The following GPHN variants were observed in gnomAD, a reference collection of about 807,000 sequenced individuals.
GPHN encodes the protein gephyrin.
A neutral mutation model predicts 95.5 loss-of-function variants in GPHN; 17 were observed. The ratio of observed to expected loss-of-function variants is 0.18; its 90% CI spans 0.12 to 0.27. GPHN has a LOEUF of 0.27. Among genes scored for constraint, GPHN ranks in the 10% least tolerant of loss-of-function variants. GPHN has a pLI of 1.00. For missense variants in GPHN, 660 were observed against 978.1 expected, an observed-to-expected ratio of 0.67 and a Z score of 4.34; for synonymous variants, 320 against 322.5, an observed-to-expected ratio of 0.99 and a Z score of 0.08.
chr14:66,570,052 G>A (rs1170116774), intron 1 of GPHN, among the ~76,000 whole-genome samples: 3 of 150,806 alleles, frequency 2.0e-5, no homozygotes, highest in African/African-American at 7.4e-5. Flanking sequence ...TTGTTTTTTT[G>A]TGCTTGTTTT....
At chr14:66,687,295 T>A (rs2067438285) in intron 2 of GPHN, among the ~76,000 whole-genome samples, 1 of 151,996 alleles carries the variant, frequency 6.6e-6, no homozygotes, top group East Asian at 1.9e-4. Context: ...CACCCCAGCT[T>A]TGTTCTTTTT....
chr14:67,241,537 A>G, the GPHN span: 1 of 152,480 alleles, frequency 6.6e-6, no homozygotes, highest in Admixed American at 6.6e-5. Context: ...CGTGGAGGTA[A>G]GAGGCGGATC....
intron 4 of GPHN, among the ~76,000 whole-genome samples, chr14:66,864,942 G>T (rs572307912): frequency 6.0e-4 from 91 of 152,262 alleles, no homozygotes; most frequent in African/African-American, 2.1e-3. Context: ...GCCATATAAA[G>T]AATAAGAACC....
the GPHN span, among the ~76,000 whole-genome samples, chr14:67,462,460 C>A: frequency 6.6e-6 from 1 of 152,216 alleles, no homozygotes; most frequent in South Asian, 2.1e-4. Flanking sequence ...ATCCTCCTGC[C>A]TCAGCCTCCC....
chr14:66,720,444 C>T (rs1002414897), intron 2 of GPHN, among the ~76,000 whole-genome samples: 5 of 152,124 alleles, frequency 3.3e-5, no homozygotes, highest in African/African-American at 1.2e-4. Context: ...ATTTCAGCTA[C>T]TTGGGAGGCT....
chr14:66,544,095 A>G (rs1355733328), intron 1 of GPHN, among the ~76,000 whole-genome samples: 2 of 151,956 alleles, frequency 1.3e-5, no homozygotes, highest in East Asian at 1.9e-4. Context: ...TTCCACTTCT[A>G]TTCTTTTCTT....
chr14:67,680,140 T>C, the GPHN span, among the ~76,000 whole-genome samples: 2 of 152,226 alleles, frequency 1.3e-5, no homozygotes, highest in Non-Finnish European at 2.9e-5. Context: ...CAACTAGTTT[T>C]CCAGATGACT....
At chr14:67,175,151 C>T (rs988753663) in intron 21 of GPHN, among the ~76,000 whole-genome samples, 7 of 152,090 alleles carry the variant, frequency 4.6e-5, no homozygotes, top group Non-Finnish European at 1.0e-4. Context: ...AAGTCCTTGC[C>T]CATGCCTATG....
the GPHN span, chr14:67,715,258 G>T: frequency 4.0e-5 from 6 of 151,806 alleles, no homozygotes; most frequent in South Asian, 1.2e-3. Context: ...ATAGACTTCA[G>T]GCCCTACAAT....
the GPHN span, chr14:67,575,779 A>G: frequency 0.8 from 1,192,901 of 1,488,378 alleles, 479,946 homozygotes; most frequent in Admixed American, 0.86. Context: ...AGACTCCCTC[A>G]TCCCCCACTG....
intron 9 of GPHN, among the ~76,000 whole-genome samples, chr14:67,009,302 T>C (rs1336108986): frequency 6.6e-6 from 1 of 152,218 alleles, no homozygotes. Flanking sequence ...GCTGCTTTTA[T>C]GTTCTGGTAC....
chr14:67,207,265 G>T, the GPHN span, among the ~76,000 whole-genome samples: 3 of 152,136 alleles, frequency 2.0e-5, no homozygotes, highest in Non-Finnish European at 2.9e-5. Context: ...TCTGCTTCAG[G>T]TGAGGGCCTC....
At chr14:67,117,426 C>A (rs965542545) in intron 16 of GPHN, among the ~76,000 whole-genome samples, 1 of 152,074 alleles carries the variant, frequency 6.6e-6, no homozygotes, top group African/African-American at 2.4e-5. Context: ...AGAGTTATGC[C>A]TGGAGATAGT....
chr14:67,571,730 G>T, the GPHN span: 1 of 1,604,960 alleles, frequency 6.2e-7, no homozygotes, highest in South Asian at 1.1e-5. Flanking sequence ...GAGCTGCAGT[G>T]AGGGAGGGGC....
chr14:66,752,008 C>A (rs1397207832), intron 2 of GPHN, among the ~76,000 whole-genome samples: 1 of 152,132 alleles, frequency 6.6e-6, no homozygotes, highest in Non-Finnish European at 1.5e-5. Context: ...CTAGCACTTG[C>A]TGCTTTACCT....
chr14:66,589,317 C>T lies in GPHN; in HGVS notation c.64+80726C>T, dbSNP rs115625107. Among the ~76,000 whole-genome samples, 1,309 of 152,064 alleles carry T rather than the reference C, an allele frequency of 8.6e-3. 15 individuals carry two copies. The highest frequency in any genetic ancestry group is 0.03 in the African/African-American group (1,236 of 41,480). ...AAGTCTTTCGACACTATGAAGAAAC[C>T]GCATCAGCTAATGGGCAAAATAACC... On this transcript the variant is annotated intron_variant, in intron 1 of 22. Coordinates refer to ENST00000478722, the MANE Select transcript of GPHN (RefSeq NM_020806.5).
the GPHN span, chr14:67,199,446 C>T: frequency 6.2e-7 from 1 of 1,612,890 alleles, no homozygotes; most frequent in Admixed American, 1.7e-5. Context: ...ATCTTACAAA[C>T]CCCCAAGATT....
intron 3 of GPHN, among the ~76,000 whole-genome samples, chr14:66,777,035 G>A (rs1382969579): frequency 1.3e-5 from 2 of 151,218 alleles, no homozygotes; most frequent in South Asian, 4.2e-4. Context: ...ATCCCGAGCT[G>A]GTTTTTTGAA....
chr14:67,559,845 G>A, the GPHN span, among the ~76,000 whole-genome samples: 5 of 152,202 alleles, frequency 3.3e-5, no homozygotes, highest in South Asian at 2.1e-4. Context: ...CTGAGACACC[G>A]TAGTTCACTT....
Sources: allele counts gnomAD v4.1 joint callset (sites outside exome capture counted in the v4.1 genomes callset), GRCh38; gene constraint gnomAD v4.1.1; transcripts MANE v1.5; gene names NCBI Gene and HGNC (gene_info 2026-07-23, HGNC 2026-07-21).